The following PDLIM5 variants were observed in gnomAD, a reference collection of about 807,000 sequenced individuals.
PDLIM5 encodes PDZ and LIM domain 5, also known as PDZ and LIM domain protein 5.
PDLIM5 carries 34 observed loss-of-function variants against 64.2 expected under a neutral mutation model. The observed-to-expected ratio is 0.53, with a 90% CI of 0.40 to 0.71. The LOEUF (loss-of-function observed/expected upper bound fraction) is 0.71, where lower values mean the gene tolerates loss of function less well. PDLIM5 is among the 30% of genes least tolerant of loss of function. The pLI, the probability that PDLIM5 is intolerant of heterozygous loss-of-function variation, is 0.00. For synonymous variants in PDLIM5, 253 were observed against 269.1 expected, an observed-to-expected ratio of 0.94 and a Z score of 0.59; for missense variants, 683 against 733.6, an observed-to-expected ratio of 0.93 and a Z score of 0.80.
At chr4:94,470,320 T>A (rs1415832983) in intron 2 of PDLIM5, among the ~76,000 whole-genome samples, 1 of 152,166 alleles carries the variant, frequency 6.6e-6, no homozygotes, top group African/African-American at 2.4e-5. Flanking sequence ...GGCTTCTGTT[T>A]TCCTTTCCTT....
intron 7 of PDLIM5, chr4:94,588,286 A>G (rs1736403218): frequency 5.6e-6 from 3 of 540,174 alleles, no homozygotes; most frequent in Non-Finnish European, 7.1e-6. Flanking sequence ...ACGGCAGGCC[A>G]GGTGCGGTGG....
chr4:94,584,978 A>G lies in PDLIM5; in HGVS notation c.711-587A>G, dbSNP rs1226541750. The G allele has an allele frequency of 1.6e-5, 25 of 1,527,324 alleles. No individual in the cohort carries two copies. The highest frequency in any genetic ancestry group is 2.2e-5 in the Non-Finnish European group (24 of 1,105,220). The allele number at this position is 1,527,324 out of a possible 1,614,324, so 94.6% of individuals were successfully genotyped here. On this transcript the variant is annotated intron_variant, in intron 5 of 12. Transcript: ENST00000317968. ...TTTCTTCTGCTGCCTTCCTCTGTCAATTAAAAGGAAAATCCCACCTAAACG... is the reference window on the plus strand; with the variant it reads ...TTTCTTCTGCTGCCTTCCTCTGTCAGTTAAAAGGAAAATCCCACCTAAACG...
intron 7 of PDLIM5, among the ~76,000 whole-genome samples, chr4:94,598,840 G>C (rs1446778872): frequency 6.6e-6 from 1 of 152,060 alleles, no homozygotes; most frequent in Non-Finnish European, 1.5e-5. Context: ...AATAATTTGA[G>C]CTGAAATGTG....
chr4:94,527,945 A>G (rs1017102015), intron 3 of PDLIM5, among the ~76,000 whole-genome samples: 18 of 152,218 alleles, frequency 1.2e-4, no homozygotes, highest in African/African-American at 3.9e-4. Context: ...GTACCAAACC[A>G]TTAGAAGGGT....
chr4:94,575,264 T>G (rs992555536), intron 4 of PDLIM5, among the ~76,000 whole-genome samples: 1 of 152,218 alleles, frequency 6.6e-6, no homozygotes, highest in African/African-American at 2.4e-5. Flanking sequence ...GTTTTGTTTA[T>G]TGTAGGGTAT....
chr4:94,636,128 G>A (rs113514265), intron 8 of PDLIM5, among the ~76,000 whole-genome samples: 576 of 152,226 alleles, frequency 3.8e-3, no homozygotes, highest in Non-Finnish European at 6.1e-3. Flanking sequence ...TTAGTTCCCC[G>A]TATACCTTCT....
intron 7 of PDLIM5, chr4:94,588,103 T>C (rs1736387434): frequency 2.1e-6 from 2 of 934,654 alleles, no homozygotes; most frequent in African/African-American, 3.6e-5. Flanking sequence ...TGGAAAAGTA[T>C]TGTAATAAAG....
intron 8 of PDLIM5, among the ~76,000 whole-genome samples, chr4:94,636,833 C>T (rs1740614479): frequency 6.6e-6 from 1 of 152,022 alleles, no homozygotes; most frequent in Non-Finnish European, 1.5e-5. Flanking sequence ...CCGCGCCGGG[C>T]CACTCATTTT....
chr4:94,543,651 C>CCA (rs1447253430), intron 3 of PDLIM5, among the ~76,000 whole-genome samples: 1 of 152,064 alleles, frequency 6.6e-6, no homozygotes, highest in Non-Finnish European at 1.5e-5. Context: ...TTGTTAGATT[C>CCA]CACATAGGAG....
chr4:94,640,369 A>G lies in PDLIM5; in HGVS notation c.1202A>G (p.Gln401Arg). 1 of 1,612,962 alleles carries G rather than the reference A, an allele frequency of 6.2e-7. No individual in the cohort carries two copies. Among genetic ancestry groups the G allele is most frequent in the Non-Finnish European group, 8.5e-7 (1 of 1,178,996 alleles). ...TTGGGACAAACCCAGCCAAGTGACC[A>G]GGACACTTTAGTGCAAAGAGCTGAG... ...SALGQTQPSD[Q>R]DTLVQRAEHI... Residue 401 changes from glutamine to arginine, a missense_variant, in exon 9 of 13, where the codon CAG (glutamine) becomes CGG (arginine). By Grantham distance (43) the Gln-to-Arg change is conservative. Coordinates refer to ENST00000317968, the MANE Select transcript of PDLIM5 (RefSeq NM_006457.5).
At chr4:94,663,612 C>T (rs913184654) in intron 12 of PDLIM5, among the ~76,000 whole-genome samples, 14 of 152,160 alleles carry the variant, frequency 9.2e-5, no homozygotes, top group African/African-American at 3.4e-4. Flanking sequence ...TGAGTCTCTA[C>T]AACACAAAGC....
chr4:94,542,449 C>T (rs149487199), intron 3 of PDLIM5, among the ~76,000 whole-genome samples: 662 of 152,014 alleles, frequency 4.4e-3, no homozygotes, highest in African/African-American at 0.015. Context: ...ACATTTTTTT[C>T]TCATTTGCCT....
At chr4:94,538,832 A>G (rs1227756110) in intron 3 of PDLIM5, among the ~76,000 whole-genome samples, 1 of 152,142 alleles carries the variant, frequency 6.6e-6, no homozygotes, top group Non-Finnish European at 1.5e-5. Flanking sequence ...TCAACTGTAC[A>G]TATGTAGAGC....
At chr4:94,499,420 A>G (rs1052525216) in intron 2 of PDLIM5, among the ~76,000 whole-genome samples, 2 of 152,212 alleles carry the variant, frequency 1.3e-5, no homozygotes, top group Non-Finnish European at 2.9e-5. Flanking sequence ...TATATATTAT[A>G]TTAGTCTTCT....
At chr4:94,511,769 C>G (rs1253179851) in intron 2 of PDLIM5, among the ~76,000 whole-genome samples, 1 of 152,116 alleles carries the variant, frequency 6.6e-6, no homozygotes, top group Non-Finnish European at 1.5e-5. Context: ...ACATAATGAT[C>G]TCCACTTCCA....
rs553806636 is a variant in PDLIM5, at chr4:94,588,055, A to T, written c.920+1611A>T. 5.5e-6 allele frequency: 5 copies of T among 910,076 alleles called. No homozygotes were observed. In the South Asian group the frequency reaches 2.0e-4, roughly 37 times the overall value. 56.4% of individuals were successfully genotyped at this position (910,076 alleles called of 1,614,324 possible). A position where few individuals can be genotyped will look rare whatever the true frequency, so the allele number is the denominator to read the frequency against. On this transcript the variant is annotated intron_variant, in intron 7 of 12. Coordinates refer to ENST00000317968, the MANE Select transcript of PDLIM5 (RefSeq NM_006457.5). ...TGCCTTGTAATATAGTGTATTATAT[A>T]TTAGAGCTAAATTTAGTAATAAATG...
At chr4:94,617,644 CA>C (rs61055444) in intron 7 of PDLIM5, among the ~76,000 whole-genome samples, 118 of 66,594 alleles carry the variant, frequency 1.8e-3, no homozygotes, top group Middle Eastern at 8.8e-3. Flanking sequence ...CCTGTGTCTA[CA>C]AAAAAAAAAA....
chr4:94,505,619 T>A (rs536295729), intron 2 of PDLIM5, among the ~76,000 whole-genome samples: 4 of 152,278 alleles, frequency 2.6e-5, no homozygotes, highest in African/African-American at 7.2e-5. Flanking sequence ...CATGACTCCT[T>A]CCTTGGGTTC....
intron 11 of PDLIM5, among the ~76,000 whole-genome samples, chr4:94,660,211 G>A (rs1316782693): frequency 6.6e-6 from 1 of 152,030 alleles, no homozygotes; most frequent in Non-Finnish European, 1.5e-5. Context: ...TTACACTTTT[G>A]AAGGCCTGTT....
Sources: gnomAD v4.1 joint callset for allele counts (sites outside exome capture counted in the v4.1 genomes callset) on GRCh38, gnomAD v4.1.1 for gene constraint, MANE v1.5 for transcripts, NCBI Gene and HGNC (gene_info 2026-07-23, HGNC 2026-07-21) for gene names.